Variants in NTPCR observed in about 807,000 individuals in gnomAD.
NTPCR encodes the protein cancer-related nucleoside-triphosphatase.
A neutral mutation model predicts 19.5 loss-of-function variants in NTPCR; 15 were observed. That is an observed-to-expected ratio of 0.77 (90% CI 0.51 to 1.18). NTPCR has a LOEUF of 1.18. Ranked by LOEUF, NTPCR falls within the 50% of genes most tolerant of loss-of-function variation. The pLI is 0.00. For synonymous variants in NTPCR, 90 were observed against 95.8 expected, an observed-to-expected ratio of 0.94 and a Z score of 0.36; for missense variants, 206 against 240.4, an observed-to-expected ratio of 0.86 and a Z score of 0.95.
At chr1:232,970,910 C>T (rs1328292948) in intron 4 of NTPCR, among the ~76,000 whole-genome samples, 1 of 152,044 alleles carries the variant, frequency 6.6e-6, no homozygotes, top group Non-Finnish European at 1.5e-5. Context: ...TTGCCCTGGT[C>T]CAAGGAGTCA....
chr1:232,969,822 C>G, intron 3 of NTPCR, 87 bp from the exon 4 acceptor site: 1 of 1,093,390 alleles, frequency 9.1e-7, no homozygotes, highest in Non-Finnish European at 1.4e-6. Context: ...TTTTTTACCT[C>G]ATTGGTGAGT....
intron 4 of NTPCR, among the ~76,000 whole-genome samples, chr1:232,973,919 T>A (rs541588205): frequency 6.6e-6 from 1 of 152,294 alleles, no homozygotes; most frequent in South Asian, 2.1e-4. Flanking sequence ...ACAGAGTTTC[T>A]GGGACCTGTG....
In NTPCR at chr1:232,969,919, G is replaced by A. The variant is rs375174019; in HGVS notation, c.305G>A (p.Ser102Asn). ...ALPVLRNADC[S>N]SGPGQRVCVI... Reference sequence around the variant, plus strand: ...CTTTGTCATTCTCAGGCCGACTGCAGCAGTGGCCCAGGGCAAAGAGTGTGC... The same window carrying A: ...CTTTGTCATTCTCAGGCCGACTGCAACAGTGGCCCAGGGCAAAGAGTGTGC... Residue 102 changes from serine to asparagine, a missense_variant, in exon 4 of 5, where the codon AGC (serine) becomes AAC (asparagine). Physicochemically the swap from Ser to Asn is conservative, Grantham distance 46. Transcript: ENST00000366628. The A allele has an allele frequency of 1.1e-5, 18 of 1,613,920 alleles. No individual in the cohort carries two copies. The highest frequency in any genetic ancestry group is 2.7e-5 in the African/African-American group (2 of 74,928).
intron 1 of NTPCR, among the ~76,000 whole-genome samples, chr1:232,953,970 T>C (rs527274233): frequency 1.3e-5 from 2 of 152,372 alleles, no homozygotes; most frequent in South Asian, 4.1e-4. Context: ...TTTGCTATTA[T>C]AAAGAATGTT....
intron 4 of NTPCR, chr1:232,976,765 G>C: frequency 4.4e-6 from 2 of 455,122 alleles, no homozygotes; most frequent in Non-Finnish European, 7.5e-6. Flanking sequence ...CAGTAGAAAT[G>C]GGATCACGGG....
In NTPCR at chr1:232,960,848, T is replaced by C. The variant is rs549261030; in HGVS notation, c.294+4405T>C. Among the ~76,000 whole-genome samples, 4 of 152,310 alleles carry C rather than the reference T, an allele frequency of 2.6e-5. No individual in the cohort carries two copies. In the South Asian group the frequency reaches 6.2e-4, roughly 24 times the overall value. The stretch of plus-strand genomic sequence containing the variant: ...TTTGTTATTTTCCTGAGTATTCAAG[T>C]TCTAGATATTCATGGTTAAAAAAAT... On this transcript the variant is annotated intron_variant, in intron 3 of 4. Transcript: ENST00000366628.
intron 4 of NTPCR, among the ~76,000 whole-genome samples, chr1:232,974,149 G>C (rs1170934641): frequency 6.6e-6 from 1 of 152,192 alleles, no homozygotes; most frequent in Non-Finnish European, 1.5e-5. Flanking sequence ...GCAGTGAAAG[G>C]AAAGCAGCAC....
At chr1:232,955,479 CA>C in intron 1 of NTPCR, 77 bp from the exon 2 acceptor site, 1 of 1,259,424 alleles carries the variant, frequency 7.9e-7, no homozygotes, top group Non-Finnish European at 1.1e-6. Context: ...TCAGAGTCCA[CA>C]AGTGCTGTGT....
chr1:232,970,473 G>A (rs957754251), intron 4 of NTPCR, among the ~76,000 whole-genome samples: 1 of 152,122 alleles, frequency 6.6e-6, no homozygotes, highest in Non-Finnish European at 1.5e-5. Flanking sequence ...GGATACAGAG[G>A]CAAATATTTT....
intron 4 of NTPCR, among the ~76,000 whole-genome samples, chr1:232,971,257 G>A (rs755955573): frequency 1.5e-4 from 23 of 152,268 alleles, no homozygotes; most frequent in Non-Finnish European, 2.6e-4. Flanking sequence ...CAGTTTAAAA[G>A]CTCCCTGGCC....
chr1:232,979,542 T>C lies in NTPCR; in HGVS notation c.*1311T>C, dbSNP rs142509579. 10 of 152,454 alleles carry C rather than the reference T, an allele frequency of 6.6e-5. No individual in the cohort carries two copies. The highest frequency in any genetic ancestry group is 1.3e-4 in the Admixed American group (2 of 15,310). The allele number at this position is 152,454 out of a possible 1,614,324, so 9.4% of individuals were successfully genotyped here. ...AGCTTGACTTGGACTTGCCTAGCCT[T>C]GGAGGGACCACAACAGGGAGGCCTA... On this transcript the variant is annotated 3_prime_UTR_variant, in exon 5 of 5. Coordinates refer to ENST00000366628, the MANE Select transcript of NTPCR (RefSeq NM_032324.3). This position sits in a 1 kb window ranked among gnomAD's most constrained non-coding sequence, Gnocchi z 5.3.
chr1:232,976,324 T>G, intron 4 of NTPCR: 1 of 1,487,770 alleles, frequency 6.7e-7, no homozygotes, highest in African/African-American at 1.4e-5. Flanking sequence ...ATACACTACC[T>G]TGTTATTTAC....
At chr1:232,956,221 T>G in intron 2 of NTPCR, 126 bp from the exon 3 acceptor site, 9 of 689,310 alleles carry the variant, frequency 1.3e-5, no homozygotes, top group Admixed American at 2.2e-5. Flanking sequence ...GACCACCGCA[T>G]TTTGTGTTGG....
At chr1:232,960,475 C>T (rs1668639949) in intron 3 of NTPCR, among the ~76,000 whole-genome samples, 1 of 151,762 alleles carries the variant, frequency 6.6e-6, no homozygotes, top group East Asian at 2.0e-4. Flanking sequence ...TCCCGAGTAG[C>T]TGGGATTACA....
intron 4 of NTPCR, among the ~76,000 whole-genome samples, chr1:232,973,556 C>T (rs1222450873): frequency 1.3e-5 from 2 of 152,178 alleles, no homozygotes; most frequent in Non-Finnish European, 2.9e-5. Flanking sequence ...ATACCTAAAC[C>T]TGAGTGAGGA....
chr1:232,977,709 T>G (rs1409014676), intron 4 of NTPCR, among the ~76,000 whole-genome samples: 1 of 152,156 alleles, frequency 6.6e-6, no homozygotes, highest in Non-Finnish European at 1.5e-5. Flanking sequence ...GGTAGATGAC[T>G]GAGCATCCCA....
In NTPCR at chr1:232,978,331, C is replaced by A. The variant is rs1291754970; in HGVS notation, c.*100C>A. On this transcript the variant is annotated 3_prime_UTR_variant, in exon 5 of 5. Coordinates refer to ENST00000366628, the MANE Select transcript of NTPCR (RefSeq NM_032324.3). ...GCTGTATGCCTATGGGGTTATGGAA[C>A]CTTGTGGGCTTTTCTAGAGAAAACT... 2.2e-6 allele frequency: 2 copies of A among 923,338 alleles called. No homozygotes were observed. Among genetic ancestry groups the A allele is most frequent in the Non-Finnish European group, 1.7e-6 (1 of 595,066 alleles). 57.2% of individuals were successfully genotyped at this position (923,338 alleles called of 1,614,324 possible).
chr1:232,972,754 C>T (rs992004134), intron 4 of NTPCR, among the ~76,000 whole-genome samples: 2 of 152,232 alleles, frequency 1.3e-5, no homozygotes, highest in African/African-American at 4.8e-5. Context: ...TATCTGCAAA[C>T]TTAGGTGTTG....
chr1:232,971,003 G>C lies in NTPCR; in HGVS notation c.504+885G>C, dbSNP rs1029037043. On this transcript the variant is annotated intron_variant, in intron 4 of 4. Transcript: ENST00000366628. ...CCCCCGCACTTTGAGAAGCACTGCT[G>C]TAGACCACATGTGAGAGATGAGGGG... is the stretch of plus-strand genomic sequence containing the variant. Among the ~76,000 whole-genome samples, 2 of 152,236 alleles carry C rather than the reference G, an allele frequency of 1.3e-5. 1 individual carries two copies. The highest frequency in any genetic ancestry group is 4.8e-5 in the African/African-American group (2 of 41,464).
Sources: gnomAD v4.1 joint callset for allele counts (sites outside exome capture counted in the v4.1 genomes callset) on GRCh38, gnomAD v4.1.1 for gene constraint, Gnocchi (gnomAD v3.1) non-coding constraint, MANE v1.5 for transcripts, NCBI Gene and HGNC (gene_info 2026-07-23, HGNC 2026-07-21) for gene names.